SYTL2: variants seen among roughly 807,000 people sequenced by gnomAD.
SYTL2 encodes synaptotagmin like 2, also known as synaptotagmin-like protein 2.
A neutral mutation model predicts 198.7 loss-of-function variants in SYTL2; 165 were observed. The ratio of observed to expected loss-of-function variants is 0.83; its 90% CI spans 0.73 to 0.94. The LOEUF (loss-of-function observed/expected upper bound fraction) is 0.94, where lower values mean the gene tolerates loss of function less well. SYTL2 is among the 40% of genes least tolerant of loss of function. SYTL2 has a pLI of 0.00. For synonymous variants in SYTL2, 966 were observed against 917.7 expected (o/e 1.05, Z -0.95); for missense variants, 2,835 against 2,582.8 (o/e 1.10, Z -2.12).
the SYTL2 span, among the ~76,000 whole-genome samples, chr11:85,822,412 C>A: frequency 6.6e-6 from 1 of 152,228 alleles, no homozygotes. Context: ...TCTGCCAGGG[C>A]AGAGAACCTG....
chr11:85,699,305 A>C (rs2153367644), intron 17 of SYTL2, among the ~76,000 whole-genome samples: 1 of 152,284 alleles, frequency 6.6e-6, no homozygotes, highest in East Asian at 1.9e-4. Context: ...GAGAAGAGGA[A>C]GCCATTTCAA....
In SYTL2 at chr11:85,720,883, T is replaced by C; in HGVS notation, c.5403A>G (p.Leu1801=). Residue 1801 remains leucine, a synonymous_variant, in exon 9 of 20, where the codon CTA becomes CTG. Coordinates refer to ENST00000359152, the MANE Select transcript of SYTL2 (RefSeq NM_206927.4). The part of the protein sequence containing the change: ...SAARKMPSKS[L]EDISSDSSNQ... ...TTGATGAATCTGATGAAATGTCTTC[T>C]AGACTTTTGGAAGGCATTTTCCTAG... 1.2e-6 allele frequency: 2 copies of C among 1,613,164 alleles called. No individual in the cohort carries two copies. The highest frequency in any genetic ancestry group is 1.7e-6 in the Non-Finnish European group (2 of 1,179,122).
At chr11:85,737,703 GA>G in intron 4 of SYTL2, 47 bp from the exon 5 acceptor site, 1 of 1,524,302 alleles carries the variant, frequency 6.6e-7, no homozygotes, top group South Asian at 1.1e-5. Context: ...ACCTTTTGAG[GA>G]ATCATAAATT....
At chr11:85,703,677 A>G (rs1036149295) in intron 16 of SYTL2, among the ~76,000 whole-genome samples, 2 of 152,180 alleles carry the variant, frequency 1.3e-5, no homozygotes, top group Non-Finnish European at 2.9e-5. Flanking sequence ...ATAAAGAGCA[A>G]GGGAAAGGCA....
Position 85,694,356 on chromosome 11 carries a change from A to G in SYTL2, c.*839T>C, listed in dbSNP as rs551021024. ...CGAAAATTTTACATACATAAGAAGAACAGTATAACTGAGCAACTTACATTC... is the reference window on the plus strand; with the variant it reads ...CGAAAATTTTACATACATAAGAAGAGCAGTATAACTGAGCAACTTACATTC... On this transcript the variant is annotated 3_prime_UTR_variant, in exon 20 of 20. Coordinates refer to ENST00000359152, the MANE Select transcript of SYTL2 (RefSeq NM_206927.4). 1 of 152,376 alleles carries G rather than the reference A, an allele frequency of 6.6e-6. No individual in the cohort carries two copies. The highest frequency in any genetic ancestry group is 2.1e-4 in the South Asian group (1 of 4,828). 9.4% of individuals were successfully genotyped at this position (152,376 alleles called of 1,614,324 possible).
intron 11 of SYTL2, 135 bp from the exon 12 acceptor site, chr11:85,714,642 A>G (rs2086865514): frequency 7.0e-7 from 1 of 1,422,854 alleles, no homozygotes; most frequent in African/African-American, 1.4e-5. Flanking sequence ...AGAGTAGTCC[A>G]CATGCACAGG....
intron 1 of SYTL2, among the ~76,000 whole-genome samples, chr11:85,787,218 AT>A (rs372608478): frequency 1.1e-3 from 161 of 152,266 alleles, no homozygotes; most frequent in African/African-American, 3.6e-3. Context: ...GCGATTTCCC[AT>A]TTGTAAAATG....
chr11:85,695,294 C>T lies in SYTL2; in HGVS notation c.6621G>A (p.Glu2207=), dbSNP rs367635979. Residue 2207 remains glutamate (E), a synonymous_variant, in exon 20 of 20, where the codon GAG becomes GAA. Transcript: ENST00000359152. ...CCATCTTCTCCCAGAGAGCAACTTC[C>T]TCTGAAGTAGAGTCCATCCAGTCCA... The part of the protein sequence containing the change: ...TEVDWMDSTS[E]EVALWEKMVN... 1.2e-6 allele frequency: 2 copies of T among 1,612,526 alleles called. No homozygotes were observed. Among genetic ancestry groups the T allele is most frequent in the African/African-American group, 2.7e-5 (2 of 74,892 alleles).
chr11:85,780,857 C>G (rs141125076), intron 1 of SYTL2, among the ~76,000 whole-genome samples: 79 of 152,316 alleles, frequency 5.2e-4, no homozygotes, highest in African/African-American at 1.9e-3. Flanking sequence ...GAATTAGGGA[C>G]AGTCTTGTGG....
chr11:85,844,234 G>C, the SYTL2 span, among the ~76,000 whole-genome samples: 4 of 152,164 alleles, frequency 2.6e-5, no homozygotes, highest in Non-Finnish European at 5.9e-5. Flanking sequence ...CATAGAATAA[G>C]AAAGTGGTCT....
chr11:85,817,403 T>C, the SYTL2 span, among the ~76,000 whole-genome samples: 2 of 152,178 alleles, frequency 1.3e-5, no homozygotes, highest in African/African-American at 4.8e-5. Context: ...AAGTGTAAAA[T>C]ATATACACAC....
chr11:85,841,922 A>T, the SYTL2 span, among the ~76,000 whole-genome samples: 9 of 152,202 alleles, frequency 5.9e-5, no homozygotes, highest in African/African-American at 2.2e-4. Flanking sequence ...GTCAGGTACT[A>T]CTTTCTGGCA....
chr11:85,722,170 ATTTTTTT>A (rs574669583), intron 8 of SYTL2, among the ~76,000 whole-genome samples: 1 of 94,634 alleles, frequency 1.1e-5, no homozygotes, highest in Non-Finnish European at 2.1e-5. Flanking sequence ...TGTTTAGGTG[ATTTTTTT>A]TTTTTTTTTT....
intron 4 of SYTL2, among the ~76,000 whole-genome samples, chr11:85,741,076 T>C (rs768103953): frequency 6.6e-6 from 1 of 152,154 alleles, no homozygotes; most frequent in Non-Finnish European, 1.5e-5. Context: ...CTGAGGTTTT[T>C]TTTTTTTTCT....
At position 85,767,050 on chromosome 11, in the gene SYTL2, T is replaced by C. The variant is rs2092256396; in HGVS notation, c.-389-8936A>G. On this transcript the variant is annotated intron_variant, in intron 1 of 19. Transcript: ENST00000359152. ...GTCCAGCAATCTGCATTTTCTAAAA[T>C]GTTCCCACATGATGTGGATACACAG... 2.0e-5 allele frequency among the ~76,000 whole-genome samples: 3 copies of C among 150,454 alleles called. No individual in the cohort carries two copies. The South Asian group carries it at 6.4e-4, about 32-fold the overall frequency.
chr11:85,727,700 G>C lies in SYTL2; in HGVS notation c.1658C>G (p.Ser553Ter). 1 of 1,544,926 alleles carries C rather than the reference G, an allele frequency of 6.5e-7. No homozygotes were observed. The highest frequency in any genetic ancestry group is 8.7e-7 in the Non-Finnish European group (1 of 1,146,982). ...RGIESKEKTDSKSQVAVDLVT... is the reference protein window; with the variant it reads ...RGIESKEKTD Reference sequence around the variant, plus strand: ...CAAGTCAACAGCAACCTGTGATTTTGAGTCTGTTTTTTCTTTGGACTCTAT... The same window carrying C: ...CAAGTCAACAGCAACCTGTGATTTTCAGTCTGTTTTTTCTTTGGACTCTAT... Residue 553 changes from serine (S) to a stop codon, truncating the protein, a stop_gained, in exon 8 of 20, where the codon TCA becomes TGA. Transcript: ENST00000359152. LOFTEE classifies it high-confidence loss of function.
At chr11:85,783,517 G>T (rs572166203) in intron 1 of SYTL2, among the ~76,000 whole-genome samples, 12 of 152,162 alleles carry the variant, frequency 7.9e-5, no homozygotes, top group Admixed American at 5.9e-4. Context: ...GTTCTTGATG[G>T]TATATAGCAA....
At chr11:85,699,728 C>T (rs2083964836) in intron 17 of SYTL2, among the ~76,000 whole-genome samples, 1 of 152,180 alleles carries the variant, frequency 6.6e-6, no homozygotes, top group African/African-American at 2.4e-5. Flanking sequence ...AACATTCATA[C>T]AGATTCTTAA....
the SYTL2 span, among the ~76,000 whole-genome samples, chr11:85,817,140 T>G: frequency 3.9e-5 from 6 of 152,302 alleles, no homozygotes; most frequent in South Asian, 6.2e-4. Context: ...TGAGCACTTG[T>G]GTGACAAAGT....
Sources: allele counts gnomAD v4.1 joint callset (sites outside exome capture counted in the v4.1 genomes callset), GRCh38; gene constraint gnomAD v4.1.1; transcripts MANE v1.5; gene names NCBI Gene and HGNC (gene_info 2026-07-23, HGNC 2026-07-21).